The following ADK variants were observed in gnomAD, a reference collection of about 807,000 sequenced individuals.
ADK encodes the protein adenosine kinase.
In ADK, 24 loss-of-function variants were observed where a neutral mutation model predicts 44.7. The observed-to-expected ratio is 0.54, with a 90% CI of 0.39 to 0.76. ADK has a LOEUF of 0.76. ADK is among the 30% of genes least tolerant of loss of function. The probability of loss-of-function intolerance (pLI) is 0.00; values close to 1 mark genes in which losing one functional copy is unlikely to be tolerated. For missense variants in ADK, 321 were observed against 425.1 expected, an observed-to-expected ratio of 0.76 and a Z score of 2.15; for synonymous variants, 128 against 142.6, an observed-to-expected ratio of 0.90 and a Z score of 0.73.
At chr10:74,355,183 C>T (rs1439059333) in intron 4 of ADK, among the ~76,000 whole-genome samples, 1 of 152,174 alleles carries the variant, frequency 6.6e-6, no homozygotes, top group East Asian at 1.9e-4. Context: ...GCTCACATGG[C>T]AAGGTAGGTA....
chr10:74,195,460 G>T (rs1049949554), intron 1 of ADK, among the ~76,000 whole-genome samples: 1 of 151,948 alleles, frequency 6.6e-6, no homozygotes, highest in African/African-American at 2.4e-5. Flanking sequence ...ACTATTTCAA[G>T]ATATCTTTTA....
At chr10:74,554,217 A>T (rs1448171482) in intron 7 of ADK, among the ~76,000 whole-genome samples, 1 of 152,028 alleles carries the variant, frequency 6.6e-6, no homozygotes, top group African/African-American at 2.4e-5. Flanking sequence ...TCCTTTTTTT[A>T]TTATGAAATA....
At chr10:74,645,150 A>G (rs1336680223) in intron 9 of ADK, among the ~76,000 whole-genome samples, 2 of 152,124 alleles carry the variant, frequency 1.3e-5, no homozygotes, top group Non-Finnish European at 2.9e-5. Context: ...TTAATTGTCC[A>G]TCCCCTACCC....
intron 8 of ADK, among the ~76,000 whole-genome samples, chr10:74,595,404 T>TTTA (rs1851874133): frequency 2.9e-5 from 3 of 103,222 alleles, no homozygotes; most frequent in South Asian, 8.6e-4. Context: ...GGGAGGGGGT[T>TTTA]TGGCTTTGTC....
At chr10:74,182,639 C>A (rs2132088131) in intron 1 of ADK, among the ~76,000 whole-genome samples, 1 of 152,260 alleles carries the variant, frequency 6.6e-6, no homozygotes, top group South Asian at 2.1e-4. Context: ...AAAGTGCTCA[C>A]AGGCATGAGC....
chr10:74,353,595 G>T (rs1001338003), intron 4 of ADK, among the ~76,000 whole-genome samples: 1 of 148,372 alleles, frequency 6.7e-6, no homozygotes, highest in African/African-American at 2.5e-5. Context: ...AAAGCCAGGC[G>T]CAGTGGCTCA....
intron 7 of ADK, among the ~76,000 whole-genome samples, chr10:74,531,489 A>G (rs755757012): frequency 2.2e-4 from 34 of 152,200 alleles, no homozygotes; most frequent in Non-Finnish European, 4.1e-4. Flanking sequence ...TGCTACAAAG[A>G]AACTTCAAAG....
chr10:74,241,705 GATTA>G (rs1016763060), intron 3 of ADK, among the ~76,000 whole-genome samples: 41 of 151,894 alleles, frequency 2.7e-4, no homozygotes, highest in African/African-American at 9.4e-4. Context: ...CTTAGAACAA[GATTA>G]ATTGATTGAT....
chr10:74,184,293 T>G (rs1468997231), intron 1 of ADK, among the ~76,000 whole-genome samples: 2 of 152,168 alleles, frequency 1.3e-5, no homozygotes, highest in East Asian at 3.8e-4. Flanking sequence ...CCAGGACAAT[T>G]CTGGATCATG....
At chr10:74,183,329 C>T (rs566862873) in intron 1 of ADK, among the ~76,000 whole-genome samples, 52 of 151,900 alleles carry the variant, frequency 3.4e-4, no homozygotes, top group African/African-American at 1.1e-3. Flanking sequence ...CTCAGCACTC[C>T]GGGAGGCCGA....
At chr10:74,604,251 T>G (rs555377739) in intron 9 of ADK, among the ~76,000 whole-genome samples, 1 of 152,368 alleles carries the variant, frequency 6.6e-6, no homozygotes, top group South Asian at 2.1e-4. Context: ...GCTCTTTAGT[T>G]TAATTGGATC....
chr10:74,419,470 A>T (rs1297003890), intron 6 of ADK, among the ~76,000 whole-genome samples: 1 of 152,166 alleles, frequency 6.6e-6, no homozygotes, highest in East Asian at 1.9e-4. Flanking sequence ...AAGTTACATG[A>T]TGCCTCTGCT....
Position 74,398,935 on chromosome 10 carries a change from T to G in ADK, c.555+356T>G, listed in dbSNP as rs548527675. On this transcript the variant is annotated intron_variant, in intron 6 of 10. Transcript: ENST00000539909. Reference sequence around the variant, plus strand: ...GCAACTTGCATTGTGCAGAAAAATATTAGTAGTATAAATATTCACTGCAAA... The same window carrying G: ...GCAACTTGCATTGTGCAGAAAAATAGTAGTAGTATAAATATTCACTGCAAA... Among the ~76,000 whole-genome samples the G allele has an allele frequency of 1.4e-4, 22 of 152,174 alleles. No homozygotes were observed. The Middle Eastern group carries it at 0.01, about 71-fold the overall frequency.
At chr10:74,546,331 A>G (rs779374067) in intron 7 of ADK, among the ~76,000 whole-genome samples, 12 of 152,200 alleles carry the variant, frequency 7.9e-5, no homozygotes, top group African/African-American at 1.9e-4. Context: ...TGTGATTTCA[A>G]TGCAGTAATT....
intron 2 of ADK, among the ~76,000 whole-genome samples, chr10:74,202,580 G>A (rs965487794): frequency 5.9e-5 from 9 of 152,112 alleles, no homozygotes; most frequent in Non-Finnish European, 8.8e-5. Context: ...CATTCCTACC[G>A]GCAGTGCATA....
chr10:74,182,785 C>T (rs1032201670), intron 1 of ADK, among the ~76,000 whole-genome samples: 3 of 152,172 alleles, frequency 2.0e-5, no homozygotes, highest in Non-Finnish European at 4.4e-5. Flanking sequence ...AATATTGCTA[C>T]GTTAAGCAGA....
chr10:74,209,004 T>C (rs1843708340), intron 2 of ADK, among the ~76,000 whole-genome samples: 1 of 152,182 alleles, frequency 6.6e-6, no homozygotes, highest in Admixed American at 6.5e-5. Flanking sequence ...CCCAAAGTGC[T>C]GGGATTACAG....
At chr10:74,626,096 G>T (rs1350362874) in intron 9 of ADK, among the ~76,000 whole-genome samples, 1 of 152,078 alleles carries the variant, frequency 6.6e-6, no homozygotes, top group Non-Finnish European at 1.5e-5. Flanking sequence ...ATAGACTCTA[G>T]AAATAGATGT....
At chr10:74,489,565 C>T (rs1320394091) in intron 6 of ADK, among the ~76,000 whole-genome samples, 1 of 151,812 alleles carries the variant, frequency 6.6e-6, no homozygotes, top group Admixed American at 6.6e-5. Context: ...CTTATTTTCC[C>T]CCTGTATCCT....
Sources: gnomAD v4.1 joint callset for allele counts (sites outside exome capture counted in the v4.1 genomes callset) on GRCh38, gnomAD v4.1.1 for gene constraint, MANE v1.5 for transcripts, NCBI Gene and HGNC (gene_info 2026-07-23, HGNC 2026-07-21) for gene names.